Variants in CDH18 observed in about 807,000 individuals in gnomAD.
The protein encoded by CDH18 is cadherin 18.
A neutral mutation model predicts 67.9 loss-of-function variants in CDH18; 31 were observed. That is an observed-to-expected ratio of 0.46 (90% CI 0.34 to 0.62). The LOEUF is 0.62. Among genes scored for constraint, CDH18 ranks in the 20% least tolerant of loss-of-function variants. The pLI is 0.01. For synonymous variants in CDH18, 362 were observed against 347.2 expected (o/e 1.04, Z -0.48); for missense variants, 890 against 975.5 (o/e 0.91, Z 1.17).
At chr5:19,816,304 T>G (rs146351741) in intron 3 of CDH18, among the ~76,000 whole-genome samples, 1 of 151,952 alleles carries the variant, frequency 6.6e-6, no homozygotes, top group East Asian at 1.9e-4. Flanking sequence ...TAGAGTTTCT[T>G]AATTTTCTTA....
At chr5:19,477,706 A>T (rs570120813) in intron 12 of CDH18, among the ~76,000 whole-genome samples, 1 of 152,264 alleles carries the variant, frequency 6.6e-6, no homozygotes, top group East Asian at 1.9e-4. Context: ...AATGTATTCA[A>T]ATGACCCTGA....
intron 1 of CDH18, among the ~76,000 whole-genome samples, chr5:20,301,027 G>A (rs1210295514): frequency 2.6e-5 from 4 of 152,274 alleles, no homozygotes; most frequent in Admixed American, 6.5e-5. Context: ...AGGGGTGAAC[G>A]GGTTATTAAA....
At chr5:20,034,542 T>C (rs1416371340) in intron 2 of CDH18, among the ~76,000 whole-genome samples, 3 of 152,052 alleles carry the variant, frequency 2.0e-5, no homozygotes, top group African/African-American at 7.2e-5. Context: ...GTAAAGCAGA[T>C]TGCCTTTTCC....
chr5:20,196,638 A>G (rs952625791), intron 2 of CDH18, among the ~76,000 whole-genome samples: 3 of 152,230 alleles, frequency 2.0e-5, no homozygotes, highest in East Asian at 3.9e-4. Context: ...CACTTTTTAT[A>G]TATCATACCA....
At chr5:19,486,960 A>G (rs1740505685) in intron 11 of CDH18, among the ~76,000 whole-genome samples, 1 of 152,216 alleles carries the variant, frequency 6.6e-6, no homozygotes, top group African/African-American at 2.4e-5. Flanking sequence ...TGTGCACCAT[A>G]GCTGGGTTCT....
At position 19,712,971 on chromosome 5, in the gene CDH18, T is replaced by C. The variant is rs191843281; in HGVS notation, c.643+8376A>G. On this transcript the variant is annotated intron_variant, in intron 5 of 12. Transcript: ENST00000382275. ...GTAATTATATAACATGAATTATGTT[T>C]AATCAGGTTTAAAGACTAAAGAACA... 4.8e-3 allele frequency among the ~76,000 whole-genome samples: 736 copies of C among 152,026 alleles called. 2 individuals are homozygous for C. The highest frequency in any genetic ancestry group is 0.017 in the Middle Eastern group (5 of 292).
chr5:20,383,983 T>A (rs1309469748), intron 1 of CDH18, among the ~76,000 whole-genome samples: 2 of 152,090 alleles, frequency 1.3e-5, no homozygotes, highest in Non-Finnish European at 2.9e-5. Flanking sequence ...TCAATAAAAA[T>A]TTTAAATATC....
chr5:20,132,885 T>C (rs1475192478), intron 2 of CDH18, among the ~76,000 whole-genome samples: 1 of 152,174 alleles, frequency 6.6e-6, no homozygotes, highest in Non-Finnish European at 1.5e-5. Flanking sequence ...TATTTTCCTT[T>C]CATTTATTCC....
chr5:19,760,012 A>C (rs1772125250), intron 3 of CDH18, among the ~76,000 whole-genome samples: 1 of 152,100 alleles, frequency 6.6e-6, no homozygotes. Context: ...TATCAATTTC[A>C]CTTCTAGGGA....
intron 1 of CDH18, among the ~76,000 whole-genome samples, chr5:20,559,739 A>G (rs548956518): frequency 6.6e-6 from 1 of 152,216 alleles, no homozygotes; most frequent in South Asian, 2.1e-4. Context: ...AAATCAAGAA[A>G]TCACTGTCTA....
chr5:19,752,998 G>A (rs909332942), intron 3 of CDH18, among the ~76,000 whole-genome samples: 7 of 152,138 alleles, frequency 4.6e-5, no homozygotes, highest in African/African-American at 1.4e-4. Context: ...CTATGTGAAG[G>A]AAACACCCCA....
intron 3 of CDH18, among the ~76,000 whole-genome samples, chr5:19,832,093 G>T (rs551644854): frequency 6.2e-4 from 94 of 152,118 alleles, no homozygotes; most frequent in African/African-American, 2.2e-3. Context: ...TTAGACAGGG[G>T]ACTACAAGCG....
chr5:20,009,155 C>G (rs2150412394), intron 2 of CDH18, among the ~76,000 whole-genome samples: 1 of 152,098 alleles, frequency 6.6e-6, no homozygotes, highest in East Asian at 1.9e-4. Flanking sequence ...TGGAATCCAG[C>G]AAATACACTT....
chr5:20,072,901 G>T (rs979933292), intron 2 of CDH18, among the ~76,000 whole-genome samples: 3 of 151,714 alleles, frequency 2.0e-5, no homozygotes, highest in Non-Finnish European at 1.5e-5. Flanking sequence ...ATATTGTTAT[G>T]GTTGAAAACA....
rs542022171 is a variant in CDH18, at chr5:20,559,925, A to G, written c.-580+15537T>C. Among the ~76,000 whole-genome samples, 4 of 149,048 alleles carry G rather than the reference A, an allele frequency of 2.7e-5. 2 individuals are homozygous for G. Among genetic ancestry groups the G allele is most frequent in the African/African-American group, 9.9e-5 (4 of 40,370 alleles). On this transcript the variant is annotated intron_variant, in intron 1 of 14. Coordinates refer to the CDH18 transcript ENST00000507958. ...TTCATTTGATTATATCTTACTAGCTAAAGTGCAAAATTTCCCTGCTAGGTC... is the reference window on the plus strand; with the variant it reads ...TTCATTTGATTATATCTTACTAGCTGAAGTGCAAAATTTCCCTGCTAGGTC...
At position 19,814,576 on chromosome 5, in the gene CDH18, GT is replaced by G. The variant is rs566283667; in HGVS notation, c.228+24182del. On this transcript the variant is annotated intron_variant, in intron 3 of 12. Coordinates refer to ENST00000382275, the MANE Select transcript of CDH18 (RefSeq NM_004934.5). ...ATTTAAAACCAAATCCCAGGAGGGC[GT>G]TAAAACTTTCACGAACCCTATACCC... Among the ~76,000 whole-genome samples the G allele has an allele frequency of 1.3e-3, 195 of 151,992 alleles. 1 individual carries two copies. Among genetic ancestry groups the G allele is most frequent in the African/African-American group, 4.6e-3 (189 of 41,500 alleles).
At chr5:20,407,717 A>T (rs1449909121) in intron 1 of CDH18, among the ~76,000 whole-genome samples, 2 of 106,874 alleles carry the variant, frequency 1.9e-5, no homozygotes, top group East Asian at 2.1e-4. Context: ...AAAGAAAAAA[A>T]AATAATTTTT....
chr5:20,398,812 C>T (rs540711494), intron 1 of CDH18, among the ~76,000 whole-genome samples: 1 of 147,928 alleles, frequency 6.8e-6, no homozygotes, highest in South Asian at 2.2e-4. Flanking sequence ...CGTATACCTA[C>T]GTAGAAAACC....
rs1756916144 is a variant in CDH18, at chr5:19,659,815, C to T, written c.644-47214G>A. 2.6e-5 allele frequency among the ~76,000 whole-genome samples: 4 copies of T among 152,040 alleles called. No homozygotes were observed. In the Admixed American group the frequency reaches 2.6e-4, roughly 10 times the overall value. ...CACCTGCTGCCACCTTGATCTTGGA[C>T]CTCCTAGCCTCCAAAATGGTGATAA... On this transcript the variant is annotated intron_variant, in intron 5 of 12. Coordinates refer to ENST00000382275, the MANE Select transcript of CDH18 (RefSeq NM_004934.5).
Sources: gnomAD v4.1 joint callset for allele counts (sites outside exome capture counted in the v4.1 genomes callset) on GRCh38, gnomAD v4.1.1 for gene constraint, MANE v1.5 for transcripts, NCBI Gene and HGNC (gene_info 2026-07-23, HGNC 2026-07-21) for gene names.